The following FBXL7 variants were observed in gnomAD, a reference collection of about 807,000 sequenced individuals.
FBXL7 encodes F-box/LRR-repeat protein 7.
In FBXL7, 12 loss-of-function variants were observed where a neutral mutation model predicts 38.3. That is an observed-to-expected ratio of 0.31 (90% CI 0.20 to 0.51). The LOEUF is 0.51. Ranked by LOEUF, FBXL7 falls within the 20% of genes least tolerant of loss-of-function variation. The pLI, the probability that FBXL7 is intolerant of heterozygous loss-of-function variation, is 0.98. For missense variants in FBXL7, 567 were observed against 676.4 expected (o/e 0.84, Z 1.79); for synonymous variants, 297 against 300.9 (o/e 0.99, Z 0.13).
chr5:15,926,671 A>G (rs1350542686), intron 2 of FBXL7, among the ~76,000 whole-genome samples: 1 of 152,114 alleles, frequency 6.6e-6, no homozygotes, highest in Non-Finnish European at 1.5e-5. Flanking sequence ...CGATCTTTCT[A>G]GTTCCAAGGA....
chr5:15,773,461 T>C lies in FBXL7; in HGVS notation c.128-154429T>C, dbSNP rs148757781. Among the ~76,000 whole-genome samples the C allele has an allele frequency of 1.8e-4, 27 of 152,006 alleles. No individual in the cohort carries two copies. In the East Asian group the frequency reaches 5.2e-3, roughly 30 times the overall value. On this transcript the variant is annotated intron_variant, in intron 2 of 3. Transcript: ENST00000504595. ...GAGTTCAAGACCAGCCTGGGCAACA[T>C]AGCAAAACCCCATCTCTACTAAATT...
rs1011054041 is a variant in FBXL7, at chr5:15,937,708, C to T, written c.*522C>T. On this transcript the variant is annotated 3_prime_UTR_variant, in exon 4 of 4. Transcript: ENST00000504595. Reference sequence around the variant, plus strand: ...CATTCTTGTCAACTCAATACCATAGCACTTTGCATAGGCAAAATACTTTTC... The same window carrying T: ...CATTCTTGTCAACTCAATACCATAGTACTTTGCATAGGCAAAATACTTTTC... 2 of 154,526 alleles carry T rather than the reference C, an allele frequency of 1.3e-5. No homozygotes were observed. The highest frequency in any genetic ancestry group is 2.4e-5 in the African/African-American group (1 of 41,470). The allele number at this position is 154,526 out of a possible 1,614,324, so 9.6% of individuals were successfully genotyped here.
chr5:15,930,617 T>C (rs1742014801), intron 3 of FBXL7, among the ~76,000 whole-genome samples: 1 of 152,222 alleles, frequency 6.6e-6, no homozygotes, highest in South Asian at 2.1e-4. Flanking sequence ...CCTTGATATC[T>C]GTCTTGTATG....
intron 2 of FBXL7, among the ~76,000 whole-genome samples, chr5:15,833,392 G>C (rs1044156549): frequency 6.6e-6 from 1 of 152,056 alleles, no homozygotes; most frequent in African/African-American, 2.4e-5. Flanking sequence ...ACTTTCCAAA[G>C]GCACCATTTT....
At chr5:15,635,106 G>C (rs1180704562) in intron 2 of FBXL7, among the ~76,000 whole-genome samples, 2 of 152,028 alleles carry the variant, frequency 1.3e-5, no homozygotes, top group African/African-American at 4.8e-5. Context: ...TTATATAATA[G>C]CTCACAAGTT....
chr5:15,927,343 C>T (rs1044691823), intron 2 of FBXL7, among the ~76,000 whole-genome samples: 1 of 152,090 alleles, frequency 6.6e-6, no homozygotes, highest in Non-Finnish European at 1.5e-5. Context: ...GTGCAGACCA[C>T]AGGGAATTGT....
intron 1 of FBXL7, among the ~76,000 whole-genome samples, chr5:15,535,836 A>G (rs529690096): frequency 6.6e-6 from 1 of 152,274 alleles, no homozygotes; most frequent in Admixed American, 6.5e-5. Context: ...AGAAATTTGC[A>G]TAAGTAATAA....
chr5:15,705,643 CA>C lies in FBXL7; in HGVS notation c.127+89573del, dbSNP rs573333291. Among the ~76,000 whole-genome samples the C allele has an allele frequency of 2.3e-3, 355 of 152,228 alleles. 3 individuals carry two copies. The highest frequency in any genetic ancestry group is 8.2e-3 in the African/African-American group (339 of 41,536). On this transcript the variant is annotated intron_variant, in intron 2 of 3. Transcript: ENST00000504595. ...ATGTTCAAAATAGGAAAATAATATA[CA>C]ACATAAATCAGCCCTCACATTTTGA... is the stretch of plus-strand genomic sequence containing the variant.
chr5:15,850,744 G>GA (rs1305960541), intron 2 of FBXL7, among the ~76,000 whole-genome samples: 2 of 152,192 alleles, frequency 1.3e-5, no homozygotes, highest in African/African-American at 4.8e-5. Flanking sequence ...GCTGTGACTT[G>GA]AAATCTGAAT....
rs972762689 is a variant in FBXL7 at position 15,563,016 on chromosome 5, C to G, written c.38-52967C>G. Among the ~76,000 whole-genome samples the G allele has an allele frequency of 2.0e-5, 3 of 152,180 alleles. No homozygotes were observed. The South Asian group carries it at 6.2e-4, about 32-fold the overall frequency. On this transcript the variant is annotated intron_variant, in intron 1 of 3. Transcript: ENST00000504595. Reference sequence around the variant, plus strand: ...GAAAGGATGGTTGGGGAAAATATAGCAGAACTTACTTATCTTTTCTTCTGC... The same window carrying G: ...GAAAGGATGGTTGGGGAAAATATAGGAGAACTTACTTATCTTTTCTTCTGC...
chr5:15,513,584 T>TG (rs1736857992), intron 1 of FBXL7, among the ~76,000 whole-genome samples: 5 of 152,182 alleles, frequency 3.3e-5, no homozygotes, highest in Non-Finnish European at 7.3e-5. Flanking sequence ...TGTGTTCAGA[T>TG]CAGATGGATG....
intron 2 of FBXL7, among the ~76,000 whole-genome samples, chr5:15,820,595 T>C (rs1356629253): frequency 6.6e-6 from 1 of 152,178 alleles, no homozygotes; most frequent in Non-Finnish European, 1.5e-5. Flanking sequence ...AGTTTTCCTG[T>C]TTCCTTTCAA....
chr5:15,624,276 T>G (rs1382605361), intron 2 of FBXL7, among the ~76,000 whole-genome samples: 1 of 152,188 alleles, frequency 6.6e-6, no homozygotes, highest in Non-Finnish European at 1.5e-5. Flanking sequence ...TAATGGGCCG[T>G]GTTTGGGTCC....
intron 1 of FBXL7, among the ~76,000 whole-genome samples, chr5:15,610,305 C>T (rs1740188632): frequency 6.6e-6 from 1 of 152,190 alleles, no homozygotes; most frequent in Non-Finnish European, 1.5e-5. Context: ...TGCTCCCCTC[C>T]TGTGCCTCTC....
In FBXL7 at chr5:15,828,580, T is replaced by C. The variant is rs925057106; in HGVS notation, c.128-99310T>C. ...CCTTCTCTATTAATTGAACACCTTC[T>C]GAGATGGCTTCTTGACTCTGCACTG... On this transcript the variant is annotated intron_variant, in intron 2 of 3. Transcript: ENST00000504595. 2.6e-5 allele frequency among the ~76,000 whole-genome samples: 4 copies of C among 152,324 alleles called. No individual in the cohort carries two copies. The South Asian group carries it at 8.3e-4, about 32-fold the overall frequency.
intron 1 of FBXL7, among the ~76,000 whole-genome samples, chr5:15,578,625 C>T (rs1739040574): frequency 6.6e-6 from 1 of 152,116 alleles, no homozygotes; most frequent in Non-Finnish European, 1.5e-5. Context: ...TTTCATGACC[C>T]CCCGTGATGC....
At chr5:15,523,865 C>T (rs923135712) in intron 1 of FBXL7, among the ~76,000 whole-genome samples, 1 of 152,192 alleles carries the variant, frequency 6.6e-6, no homozygotes, top group African/African-American at 2.4e-5. Flanking sequence ...CGGCGTTCTG[C>T]TGGCAGCATG....
intron 2 of FBXL7, among the ~76,000 whole-genome samples, chr5:15,879,310 C>A (rs941651620): frequency 6.6e-6 from 1 of 152,148 alleles, no homozygotes; most frequent in Non-Finnish European, 1.5e-5. Context: ...CTCCTTCTTT[C>A]TAATTCTAAA....
intron 2 of FBXL7, among the ~76,000 whole-genome samples, chr5:15,870,358 G>A (rs1489747196): frequency 3.3e-5 from 5 of 152,182 alleles, no homozygotes; most frequent in Middle Eastern, 3.2e-3. Context: ...AGACCATGCT[G>A]TGGAGTGTGG....
Sources: allele counts gnomAD v4.1 joint callset (sites outside exome capture counted in the v4.1 genomes callset), GRCh38; gene constraint gnomAD v4.1.1; transcripts MANE v1.5; gene names NCBI Gene and HGNC (gene_info 2026-07-23, HGNC 2026-07-21).